The following PRKCQ variants were observed in gnomAD, a reference collection of about 807,000 sequenced individuals.
PRKCQ encodes the protein protein kinase C theta type.
A neutral mutation model predicts 91.2 loss-of-function variants in PRKCQ; 41 were observed. The ratio of observed to expected loss-of-function variants is 0.45; its 90% confidence interval spans 0.35 to 0.58. The LOEUF is 0.58. Among genes scored for constraint, PRKCQ ranks in the 20% least tolerant of loss-of-function variants. The pLI, the probability that PRKCQ is intolerant of heterozygous loss-of-function variation, is 0.00. For missense variants in PRKCQ, 673 were observed against 896.5 expected, an observed-to-expected ratio of 0.75 and a Z score of 3.18; for synonymous variants, 307 against 316.9, an observed-to-expected ratio of 0.97 and a Z score of 0.33.
At chr10:6,561,254 C>T (rs1336908791) in intron 1 of PRKCQ, among the ~76,000 whole-genome samples, 1 of 150,640 alleles carries the variant, frequency 6.6e-6, no homozygotes, top group East Asian at 2.0e-4. Context: ...CACCTGTAAT[C>T]CTAGCTACTC....
At chr10:6,540,083 T>C (rs1307344050) in intron 1 of PRKCQ, among the ~76,000 whole-genome samples, 1 of 152,210 alleles carries the variant, frequency 6.6e-6, no homozygotes, top group Non-Finnish European at 1.5e-5. Context: ...TAAATTCCTT[T>C]AGTTATCTTT....
At chr10:6,437,745 G>C (rs1469654621) in intron 16 of PRKCQ, among the ~76,000 whole-genome samples, 1 of 151,544 alleles carries the variant, frequency 6.6e-6, no homozygotes, top group East Asian at 1.9e-4. Flanking sequence ...TCCGCCTCCC[G>C]GGTTCACACC....
At chr10:6,547,045 C>T (rs1339425111) in intron 1 of PRKCQ, among the ~76,000 whole-genome samples, 6 of 152,040 alleles carry the variant, frequency 3.9e-5, no homozygotes, top group South Asian at 2.1e-4. Flanking sequence ...TATTGATTTG[C>T]GTATATTGAA....
At chr10:6,455,408 G>C (rs779218985) in intron 15 of PRKCQ, among the ~76,000 whole-genome samples, 1 of 152,164 alleles carries the variant, frequency 6.6e-6, no homozygotes, top group Non-Finnish European at 1.5e-5. Context: ...TAGAAGCCAA[G>C]GCTAAATTCA....
At chr10:6,455,183 T>C (rs1226618603) in intron 15 of PRKCQ, among the ~76,000 whole-genome samples, 1 of 152,178 alleles carries the variant, frequency 6.6e-6, no homozygotes, top group African/African-American at 2.4e-5. Context: ...AATTCAGTAA[T>C]TGAGTTGAGT....
chr10:6,484,852 G>C (rs566672775), intron 10 of PRKCQ, among the ~76,000 whole-genome samples: 1 of 152,270 alleles, frequency 6.6e-6, no homozygotes, highest in East Asian at 1.9e-4. Context: ...CAAATTTTAA[G>C]ACAGATTTAT....
chr10:6,478,629 A>G (rs1836402692), intron 12 of PRKCQ, among the ~76,000 whole-genome samples: 1 of 152,160 alleles, frequency 6.6e-6, no homozygotes, highest in African/African-American at 2.4e-5. Flanking sequence ...GTTTTGATCT[A>G]TTTTCCAACT....
chr10:6,464,727 C>T (rs954648757), intron 12 of PRKCQ, among the ~76,000 whole-genome samples: 4 of 152,280 alleles, frequency 2.6e-5, no homozygotes, highest in Middle Eastern at 3.4e-3. Flanking sequence ...GGATTACAGG[C>T]GTGAGCCGCC....
intron 16 of PRKCQ, among the ~76,000 whole-genome samples, chr10:6,433,290 CACA>C (rs1293876922): frequency 2.0e-5 from 3 of 152,212 alleles, no homozygotes; most frequent in East Asian, 1.9e-4. Flanking sequence ...CTGTGTACCA[CACA>C]ACATCTTCGC....
chr10:6,418,826 C>CATCTATCTACCTATGTATCATCT, the PRKCQ span, among the ~76,000 whole-genome samples: 231 of 152,316 alleles, frequency 1.5e-3, 1 homozygote, highest in African/African-American at 5.5e-3. Context: ...ATCTATCATC[C>CATCTATCTACCTATGTATCATCT]ATCTATCTAC....
At chr10:6,471,834 T>G (rs750495047) in intron 12 of PRKCQ, among the ~76,000 whole-genome samples, 2 of 152,162 alleles carry the variant, frequency 1.3e-5, no homozygotes, top group Non-Finnish European at 2.9e-5. Context: ...GCATGCACTT[T>G]CCTGAGGCAC....
intron 1 of PRKCQ, among the ~76,000 whole-genome samples, chr10:6,552,103 G>A (rs1840210046): frequency 6.6e-6 from 1 of 151,914 alleles, no homozygotes; most frequent in African/African-American, 2.4e-5. Context: ...ATGCTTGTTG[G>A]CTATCTGTAT....
chr10:6,426,145 C>T (rs75000593), downstream of PRKCQ, among the ~76,000 whole-genome samples: 660 of 152,274 alleles, frequency 4.3e-3, 1 homozygote, highest in African/African-American at 7.7e-3. Context: ...AACCAGAAAG[C>T]GCTCTAGTGA....
In PRKCQ at chr10:6,479,048, A is replaced by T. The variant is rs1416105383; in HGVS notation, c.1297T>A (p.Ser433Thr). The T allele has an allele frequency of 3.7e-6, 6 of 1,614,218 alleles. No homozygotes were observed. The highest frequency in any genetic ancestry group is 4.2e-6 in the Non-Finnish European group (5 of 1,180,028). The stretch of plus-strand genomic sequence containing the variant: ...AGAAACGGATGCTCCCAGGCCAAGG[A>T]AAGAACTCTCTTCTCTACCATCGTG... ...ECTMVEKRVL[S>T]LAWEHPFLTH... Residue 433 changes from serine to threonine, a missense_variant, in exon 12 of 18, where the codon TCC (serine) becomes ACC (threonine). Coordinates refer to ENST00000263125, the MANE Select transcript of PRKCQ (RefSeq NM_006257.5).
At chr10:6,575,148 C>T (rs1373765551) in intron 1 of PRKCQ, among the ~76,000 whole-genome samples, 1 of 152,112 alleles carries the variant, frequency 6.6e-6, no homozygotes. Flanking sequence ...TAAACTGATA[C>T]AAAATAGTAC....
chr10:6,485,163 G>C lies in PRKCQ; in HGVS notation c.1007C>G (p.Pro336Arg), dbSNP rs139296268. 2.5e-6 allele frequency: 4 copies of C among 1,613,254 alleles called. No individual in the cohort carries two copies. Among genetic ancestry groups the C allele is most frequent in the Non-Finnish European group, 3.4e-6 (4 of 1,179,512 alleles). ...NEARPPCLPTPGKREPQGISW... is the reference protein window; with the variant it reads ...NEARPPCLPTRGKREPQGISW... ...ATCAGGACAGCTACCTCTTTTTCCC[G>C]GTGTCGGTAAACATGGCGGCCTTGC... Residue 336 changes from proline (P) to arginine (R), a missense_variant, in exon 10 of 18, where the codon CCG becomes CGG. Coordinates refer to ENST00000263125, the MANE Select transcript of PRKCQ (RefSeq NM_006257.5).
chr10:6,433,373 T>C (rs1206691044), intron 16 of PRKCQ, among the ~76,000 whole-genome samples: 1 of 152,226 alleles, frequency 6.6e-6, no homozygotes, highest in African/African-American at 2.4e-5. Context: ...CTGTAAGCTC[T>C]GGAGGCCGGG....
At chr10:6,528,984 T>C (rs1376159315) in intron 1 of PRKCQ, among the ~76,000 whole-genome samples, 1 of 152,212 alleles carries the variant, frequency 6.6e-6, no homozygotes, top group African/African-American at 2.4e-5. Context: ...GAATGAAGAA[T>C]TGGGTGATAT....
At chr10:6,549,111 G>A (rs1840085290) in intron 1 of PRKCQ, among the ~76,000 whole-genome samples, 1 of 152,154 alleles carries the variant, frequency 6.6e-6, no homozygotes, top group South Asian at 2.1e-4. Flanking sequence ...CGATGGAACA[G>A]CTCTGAAAAC....
Sources: gnomAD v4.1 joint callset for allele counts (sites outside exome capture counted in the v4.1 genomes callset) on GRCh38, gnomAD v4.1.1 for gene constraint, MANE v1.5 for transcripts, NCBI Gene and HGNC (gene_info 2026-07-23, HGNC 2026-07-21) for gene names.